Variants in WLS observed in about 807,000 individuals in gnomAD.
WLS encodes the protein protein wntless homolog.
In WLS, 23 loss-of-function variants were observed where a neutral mutation model predicts 62.8. That is an observed-to-expected ratio of 0.37 (90% CI 0.26 to 0.52). The LOEUF (loss-of-function observed/expected upper bound fraction) is 0.52, where lower values mean the gene tolerates loss of function less well. Ranked by LOEUF, WLS falls within the 20% of genes least tolerant of loss-of-function variation. The pLI is 0.92. For synonymous variants in WLS, 246 were observed against 244.1 expected, an observed-to-expected ratio of 1.01 and a Z score of -0.07; for missense variants, 615 against 697.3, an observed-to-expected ratio of 0.88 and a Z score of 1.33.
chr1:68,109,858 G>A (rs1438137538), intron 11 of WLS, among the ~76,000 whole-genome samples: 3 of 151,868 alleles, frequency 2.0e-5, no homozygotes, highest in African/African-American at 7.3e-5. Flanking sequence ...CAAAATATGA[G>A]ATGAGATACC....
In WLS at chr1:68,148,516, C is replaced by T. The variant is rs553438738; in HGVS notation, c.1070+47G>A. 7.6e-5 allele frequency: 120 copies of T among 1,569,482 alleles called. 1 individual carries two copies. Among genetic ancestry groups the T allele is most frequent in the South Asian group, 6.3e-4 (56 of 88,884 alleles). On this transcript the variant is annotated intron_variant, in intron 7 of 11. Coordinates refer to ENST00000262348, the MANE Select transcript of WLS (RefSeq NM_024911.7). The stretch of plus-strand genomic sequence containing the variant: ...CTCCTCCTAAAATGACAGGAGTGGG[C>T]GTGGTGATGCACAGTTTGGCTCAGT...
At chr1:68,160,830 A>G (rs971267622) in intron 2 of WLS, among the ~76,000 whole-genome samples, 1 of 152,220 alleles carries the variant, frequency 6.6e-6, no homozygotes, top group Admixed American at 6.5e-5. Context: ...TGTGAATAGA[A>G]CATGTAACTA....
At chr1:68,225,714 T>C (rs1650114741) in intron 1 of WLS, among the ~76,000 whole-genome samples, 1 of 152,158 alleles carries the variant, frequency 6.6e-6, no homozygotes, top group African/African-American at 2.4e-5. Context: ...GGAAAAGAAT[T>C]TTCAGCTTTC....
At chr1:68,200,528 T>C (rs1051253611) in intron 1 of WLS, among the ~76,000 whole-genome samples, 1 of 150,454 alleles carries the variant, frequency 6.6e-6, no homozygotes. Flanking sequence ...TATGTCTATA[T>C]CTTCAAAAGT....
At chr1:68,227,405 CAAAAAA>C (rs59704442) in intron 1 of WLS, among the ~76,000 whole-genome samples, 5 of 112,854 alleles carry the variant, frequency 4.4e-5, no homozygotes, top group Non-Finnish European at 5.5e-5. Context: ...GACTCCGTCA[CAAAAAA>C]AAAAAAAAAA....
intron 1 of WLS, chr1:68,231,842 G>A (rs1325458607): frequency 9.6e-6 from 4 of 416,156 alleles, no homozygotes; most frequent in South Asian, 1.9e-5. Context: ...AAAAGGGGGG[G>A]AACGCGGGAA....
chr1:68,189,172 A>G (rs1310064139), intron 2 of WLS, among the ~76,000 whole-genome samples: 1 of 152,206 alleles, frequency 6.6e-6, no homozygotes, highest in Admixed American at 6.5e-5. Flanking sequence ...CTAGGTTACT[A>G]GATCAACTGC....
intron 1 of WLS, among the ~76,000 whole-genome samples, chr1:68,231,345 G>A (rs1231681965): frequency 6.6e-6 from 1 of 152,162 alleles, no homozygotes. Flanking sequence ...ACCTGCGGGG[G>A]GCTGTGGTGG....
At chr1:68,169,267 A>C (rs1349175106) in intron 2 of WLS, among the ~76,000 whole-genome samples, 1 of 152,242 alleles carries the variant, frequency 6.6e-6, no homozygotes, top group Non-Finnish European at 1.5e-5. Context: ...AGTGACATGC[A>C]GTTAGAAAAC....
chr1:68,137,987 C>CAT, intron 10 of WLS, 54 bp from the exon 11 acceptor site: 1 of 1,602,698 alleles, frequency 6.2e-7, no homozygotes, highest in Non-Finnish European at 8.5e-7. Context: ...ACAGAAGAAA[C>CAT]ATAACACCAA....
intron 11 of WLS, among the ~76,000 whole-genome samples, chr1:68,118,874 T>TC (rs1282436066): frequency 4.7e-4 from 9 of 19,012 alleles, no homozygotes; most frequent in East Asian, 1.7e-3. Flanking sequence ...AGACTCTGTC[T>TC]CAAAAAAAAA....
intron 1 of WLS, among the ~76,000 whole-genome samples, chr1:68,224,779 G>T (rs71649061): frequency 6.6e-6 from 1 of 151,980 alleles, no homozygotes; most frequent in Non-Finnish European, 1.5e-5. Context: ...CGAAAAGGTG[G>T]GGGGGATTGA....
chr1:68,158,163 C>G (rs1003153099), intron 3 of WLS, among the ~76,000 whole-genome samples: 1 of 152,182 alleles, frequency 6.6e-6, no homozygotes. Context: ...ACACAGATTC[C>G]TTGCTCCTAC....
chr1:68,221,466 C>G (rs11585335), intron 1 of WLS, among the ~76,000 whole-genome samples: 1 of 152,202 alleles, frequency 6.6e-6, no homozygotes, highest in African/African-American at 2.4e-5. Flanking sequence ...AGGTAAAAGC[C>G]TGGTTCACAC....
intron 1 of WLS, among the ~76,000 whole-genome samples, chr1:68,199,119 A>G (rs532268837): frequency 1.3e-5 from 2 of 152,340 alleles, no homozygotes; most frequent in Non-Finnish European, 2.9e-5. Context: ...AACTAAAACA[A>G]CAGGCTGACA....
intron 2 of WLS, chr1:68,162,553 C>G (rs1301181649): frequency 2.5e-6 from 4 of 1,588,530 alleles, no homozygotes; most frequent in Non-Finnish European, 3.5e-6. Context: ...CAGCATTTCC[C>G]CACGGATGCT....
intron 10 of WLS, among the ~76,000 whole-genome samples, chr1:68,143,910 C>T (rs908601855): frequency 6.6e-6 from 1 of 152,154 alleles, no homozygotes; most frequent in African/African-American, 2.4e-5. Context: ...TAAATGAAAA[C>T]TTTCTCCAAA....
At chr1:68,209,775 C>A (rs571809333) in intron 1 of WLS, among the ~76,000 whole-genome samples, 79 of 151,596 alleles carry the variant, frequency 5.2e-4, no homozygotes, top group African/African-American at 1.9e-3. Flanking sequence ...AAATGAAACT[C>A]CGTTTCAAAA....
At chr1:68,181,610 G>T (rs1288846593) in intron 2 of WLS, among the ~76,000 whole-genome samples, 1 of 152,154 alleles carries the variant, frequency 6.6e-6, no homozygotes, top group East Asian at 1.9e-4. Flanking sequence ...TTGGTAGAAG[G>T]CTGACTCACC....
Sources: allele counts gnomAD v4.1 joint callset (sites outside exome capture counted in the v4.1 genomes callset), GRCh38; gene constraint gnomAD v4.1.1; transcripts MANE v1.5; gene names NCBI Gene and HGNC (gene_info 2026-07-23, HGNC 2026-07-21).